The following STPG2 variants were observed in gnomAD, a reference collection of about 807,000 sequenced individuals.
The protein encoded by STPG2 is sperm tail PG-rich repeat containing 2, also known as sperm-tail PG-rich repeat-containing protein 2.
In STPG2, 56 loss-of-function variants were observed where a neutral mutation model predicts 54.2. The ratio of observed to expected loss-of-function variants is 1.03; its 90% CI spans 0.83 to 1.29. The LOEUF (loss-of-function observed/expected upper bound fraction) is 1.29. Ranked by LOEUF, STPG2 falls within the 50% of genes most tolerant of loss-of-function variation. The probability of loss-of-function intolerance (pLI) is 0.00; values close to 1 mark genes in which losing one functional copy is unlikely to be tolerated. For synonymous variants in STPG2, 200 were observed against 181.8 expected (o/e 1.10, Z -0.81); for missense variants, 596 against 544.9 (o/e 1.09, Z -0.93).
chr4:97,629,057 T>A (rs761279486), intron 10 of STPG2, among the ~76,000 whole-genome samples: 20 of 151,972 alleles, frequency 1.3e-4, no homozygotes, highest in Non-Finnish European at 2.5e-4. Context: ...CATTTGTATA[T>A]GCATAAACTT....
chr4:97,845,494 A>C (rs2149125673), intron 8 of STPG2, among the ~76,000 whole-genome samples: 1 of 152,288 alleles, frequency 6.6e-6, no homozygotes. Context: ...TATTTACGTC[A>C]ATATTTGCTT....
chr4:97,465,072 C>T (rs1328604942), intron 4 of STPG2, among the ~76,000 whole-genome samples: 1 of 152,076 alleles, frequency 6.6e-6, no homozygotes, highest in Non-Finnish European at 1.5e-5. Context: ...GCTAGGAGAA[C>T]TTGTTGGTGA....
intron 9 of STPG2, among the ~76,000 whole-genome samples, chr4:97,730,692 T>C (rs1724770047): frequency 6.6e-6 from 1 of 152,198 alleles, no homozygotes; most frequent in Non-Finnish European, 1.5e-5. Context: ...CAAAATCACA[T>C]AGTTCTGAAA....
chr4:97,675,631 A>G (rs551659218), intron 10 of STPG2, among the ~76,000 whole-genome samples: 1 of 150,624 alleles, frequency 6.6e-6, no homozygotes, highest in Non-Finnish European at 1.5e-5. Context: ...TTGCAGCTCT[A>G]TTTTCTTCTT....
At chr4:97,886,648 G>C (rs934155102) in intron 8 of STPG2, among the ~76,000 whole-genome samples, 2 of 152,082 alleles carry the variant, frequency 1.3e-5, no homozygotes, top group African/African-American at 2.4e-5. Context: ...TACTCTTCAC[G>C]TCAAACTATT....
chr4:97,474,449 C>A (rs2148816954), intron 4 of STPG2, among the ~76,000 whole-genome samples: 1 of 152,164 alleles, frequency 6.6e-6, no homozygotes, highest in African/African-American at 2.4e-5. Context: ...TGTAGAATTG[C>A]CAGCTCATGG....
At chr4:97,469,014 A>G (rs1729858812) in intron 4 of STPG2, among the ~76,000 whole-genome samples, 1 of 152,076 alleles carries the variant, frequency 6.6e-6, no homozygotes, top group African/African-American at 2.4e-5. Context: ...TGCCTTCAAA[A>G]TATTATAGTA....
At chr4:97,923,448 C>T (rs1020050275) in intron 8 of STPG2, among the ~76,000 whole-genome samples, 3 of 152,254 alleles carry the variant, frequency 2.0e-5, no homozygotes, top group Admixed American at 2.0e-4. Context: ...CCTGTGGCCC[C>T]AGTGCTGGAT....
At chr4:97,536,429 C>T (rs938178054) in intron 4 of STPG2, among the ~76,000 whole-genome samples, 4 of 152,188 alleles carry the variant, frequency 2.6e-5, no homozygotes, top group Non-Finnish European at 5.9e-5. Flanking sequence ...AGCTCTGTCT[C>T]TCTCCTGATG....
chr4:97,512,996 G>C (rs751179394), intron 4 of STPG2, among the ~76,000 whole-genome samples: 12 of 152,156 alleles, frequency 7.9e-5, no homozygotes, highest in South Asian at 2.1e-4. Context: ...CCACAAGACT[G>C]CCCCTACTTC....
At chr4:97,791,007 G>A (rs1326572005) in intron 9 of STPG2, among the ~76,000 whole-genome samples, 1 of 151,996 alleles carries the variant, frequency 6.6e-6, no homozygotes, top group African/African-American at 2.4e-5. Context: ...CCAAACTTTT[G>A]CATACTCTCT....
intron 5 of STPG2, among the ~76,000 whole-genome samples, chr4:98,021,373 G>A (rs1405188022): frequency 7.0e-6 from 1 of 143,400 alleles, no homozygotes; most frequent in Non-Finnish European, 1.5e-5. Context: ...ATTGCACTGT[G>A]GTCTGAGAGA....
At chr4:97,578,200 G>A (rs932546118) in intron 10 of STPG2, among the ~76,000 whole-genome samples, 2 of 150,460 alleles carry the variant, frequency 1.3e-5, no homozygotes, top group African/African-American at 4.9e-5. Flanking sequence ...CACCTCCCAG[G>A]CTCAAGCGAT....
At chr4:97,705,825 C>T (rs1224559064) in intron 10 of STPG2, among the ~76,000 whole-genome samples, 1 of 151,694 alleles carries the variant, frequency 6.6e-6, no homozygotes, top group Non-Finnish European at 1.5e-5. Flanking sequence ...AGAGCCTATA[C>T]CATACTAGGA....
chr4:97,802,790 C>A (rs973409393), intron 9 of STPG2, among the ~76,000 whole-genome samples: 7 of 152,046 alleles, frequency 4.6e-5, no homozygotes, highest in African/African-American at 1.7e-4. Context: ...AAATATTAAA[C>A]CACGTATACA....
Position 97,950,574 on chromosome 4 carries a change from G to A in STPG2, c.934-6567C>T, listed in dbSNP as rs1009649039. Reference sequence around the variant, plus strand: ...CCTTAGTAATTAATCTTTTGAATTCGTTTTCTGGTATTTCCAAGATTTCAT... The same window carrying A: ...CCTTAGTAATTAATCTTTTGAATTCATTTTCTGGTATTTCCAAGATTTCAT... On this transcript the variant is annotated intron_variant, in intron 7 of 10. Transcript: ENST00000295268. 4.0e-5 allele frequency among the ~76,000 whole-genome samples: 6 copies of A among 151,748 alleles called. No individual in the cohort carries two copies. The South Asian group carries it at 6.2e-4, about 16-fold the overall frequency.
intron 9 of STPG2, among the ~76,000 whole-genome samples, chr4:97,818,790 A>G (rs1031403511): frequency 1.3e-5 from 2 of 151,728 alleles, no homozygotes; most frequent in Non-Finnish European, 2.9e-5. Context: ...AAGTACTCAA[A>G]AAGTGAATTA....
intron 9 of STPG2, among the ~76,000 whole-genome samples, chr4:97,823,734 T>C (rs967591090): frequency 6.6e-6 from 1 of 152,160 alleles, no homozygotes; most frequent in Non-Finnish European, 1.5e-5. Flanking sequence ...AGGAAAATCA[T>C]CTGTGTGAAA....
intron 4 of STPG2, among the ~76,000 whole-genome samples, chr4:97,527,989 A>G (rs1731322353): frequency 6.6e-6 from 1 of 152,006 alleles, no homozygotes; most frequent in Non-Finnish European, 1.5e-5. Context: ...GTTGTGCAGA[A>G]GCTCTTTAGT....
Sources: gnomAD v4.1 joint callset for allele counts (sites outside exome capture counted in the v4.1 genomes callset) on GRCh38, gnomAD v4.1.1 for gene constraint, MANE v1.5 for transcripts, NCBI Gene and HGNC (gene_info 2026-07-23, HGNC 2026-07-21) for gene names.